Variants in SLIT2 observed in about 807,000 individuals in gnomAD.
SLIT2 encodes the protein slit guidance ligand 2.
SLIT2 carries 41 observed loss-of-function variants against 185.7 expected under a neutral mutation model. The ratio of observed to expected loss-of-function variants is 0.22; its 90% confidence interval spans 0.17 to 0.29. SLIT2 has a LOEUF of 0.29. Among genes scored for constraint, SLIT2 ranks in the 10% least tolerant of loss-of-function variants. The probability of loss-of-function intolerance (pLI) is 1.00; values close to 1 mark genes in which losing one functional copy is unlikely to be tolerated. For synonymous variants in SLIT2, 693 were observed against 680.2 expected (o/e 1.02, Z -0.29); for missense variants, 1,571 against 1,909.0 (o/e 0.82, Z 3.30).
At chr4:20,437,120 A>G (rs1181837815) in intron 4 of SLIT2, among the ~76,000 whole-genome samples, 2 of 152,190 alleles carry the variant, frequency 1.3e-5, no homozygotes, top group East Asian at 3.9e-4. Context: ...ATGACTCCCA[A>G]ATTTATCTTT....
At chr4:20,499,622 G>A (rs1181318638) in intron 9 of SLIT2, among the ~76,000 whole-genome samples, 4 of 152,038 alleles carry the variant, frequency 2.6e-5, no homozygotes. Context: ...CTGAGTAGCT[G>A]GGACTACAGG....
chr4:20,255,075 G>A (rs900855453), intron 1 of SLIT2: 9 of 455,990 alleles, frequency 2.0e-5, no homozygotes, highest in African/African-American at 1.2e-4. Context: ...GGCCGCCCTA[G>A]GCACGTTCCG....
intron 11 of SLIT2, among the ~76,000 whole-genome samples, chr4:20,512,207 CA>C (rs901343492): frequency 2.8e-4 from 43 of 152,116 alleles, no homozygotes; most frequent in East Asian, 1.2e-3. Flanking sequence ...TATCAGAGGT[CA>C]GGGGTAGCCA....
chr4:20,403,907 AC>A (rs927268137), intron 4 of SLIT2, among the ~76,000 whole-genome samples: 27 of 150,896 alleles, frequency 1.8e-4, no homozygotes, highest in Non-Finnish European at 2.4e-4. Context: ...TAAAAAAAAA[AC>A]AAAAACAAAA....
intron 33 of SLIT2, among the ~76,000 whole-genome samples, chr4:20,606,489 A>AT (rs1728806353): frequency 6.6e-6 from 1 of 151,900 alleles, no homozygotes; most frequent in South Asian, 2.1e-4. Flanking sequence ...CTCAAAAAAA[A>AT]AAAAGGAATC....
intron 14 of SLIT2, among the ~76,000 whole-genome samples, chr4:20,524,690 A>G (rs919407761): frequency 2.6e-5 from 4 of 152,296 alleles, no homozygotes; most frequent in Non-Finnish European, 5.9e-5. Flanking sequence ...TTTGCATACA[A>G]CCGTGAGGAT....
intron 29 of SLIT2, among the ~76,000 whole-genome samples, chr4:20,569,777 G>A (rs1003706063): frequency 1.3e-5 from 2 of 151,982 alleles, no homozygotes; most frequent in African/African-American, 4.8e-5. Flanking sequence ...AAAAAATGGA[G>A]AAGTAATTTT....
intron 4 of SLIT2, among the ~76,000 whole-genome samples, chr4:20,283,930 T>A (rs1201675305): frequency 2.0e-5 from 3 of 152,196 alleles, no homozygotes; most frequent in Non-Finnish European, 4.4e-5. Context: ...TTCTTCTCCT[T>A]TGGTTTCCAT....
Position 20,350,606 on chromosome 4 carries a change from A to G in SLIT2, c.395+81725A>G, listed in dbSNP as rs1044948235. On this transcript the variant is annotated intron_variant, in intron 4 of 36. Transcript: ENST00000504154. ...GATTGAAAATATTAAGTACATCATT[A>G]TTATGTAAATATTTAATTTTTGAAA... Among the ~76,000 whole-genome samples, 12 of 152,332 alleles carry G rather than the reference A, an allele frequency of 7.9e-5. No individual in the cohort carries two copies. In the South Asian group the frequency reaches 1.9e-3, roughly 24 times the overall value.
intron 33 of SLIT2, among the ~76,000 whole-genome samples, chr4:20,605,581 G>A (rs995710232): frequency 2.0e-5 from 3 of 152,112 alleles, no homozygotes; most frequent in African/African-American, 4.8e-5. Flanking sequence ...AACCCAAAAG[G>A]ATGCCATGCA....
rs1724583976 is a variant in SLIT2, at chr4:20,560,164, A to G, written c.2725+6196A>G. On this transcript the variant is annotated intron_variant, in intron 26 of 36. Transcript: ENST00000504154. Reference sequence around the variant, plus strand: ...AATGTATTTTTATTTTATTCATGAAAATTATGTAAGTACAAACTCTCAATA... The same window carrying G: ...AATGTATTTTTATTTTATTCATGAAGATTATGTAAGTACAAACTCTCAATA... Among the ~76,000 whole-genome samples the G allele has an allele frequency of 1.3e-5, 2 of 151,956 alleles. 1 individual carries two copies. The highest frequency in any genetic ancestry group is 4.8e-5 in the African/African-American group (2 of 41,338).
chr4:20,511,344 T>C (rs1381639205), intron 11 of SLIT2, among the ~76,000 whole-genome samples: 2 of 151,640 alleles, frequency 1.3e-5, no homozygotes, highest in African/African-American at 2.4e-5. Context: ...TTTTTAGGGG[T>C]GTATATTTTA....
chr4:20,255,058 C>A (rs1393118141), intron 1 of SLIT2: 1 of 456,290 alleles, frequency 2.2e-6, no homozygotes, highest in Non-Finnish European at 4.4e-6. Flanking sequence ...CCGCCCCGCG[C>A]CAGTCCGGCC....
chr4:20,618,853 C>T lies in SLIT2; in HGVS notation c.4434C>T (p.Ser1478=). 6.2e-7 allele frequency: 1 copy of T among 1,614,052 alleles called. No homozygotes were observed. The highest frequency in any genetic ancestry group is 1.3e-5 in the African/African-American group (1 of 75,008). ...YAACQTTKKV[S]RLECRGGCAG... ...CTTGCCAAACAACCAAGAAGGTGTC[C>T]CGATTAGAGTGCAGAGGTGGGTGTG... Residue 1478 remains serine (S), a synonymous_variant, in exon 37 of 37, where the codon TCC becomes TCT. Coordinates refer to ENST00000504154, the MANE Select transcript of SLIT2 (RefSeq NM_004787.4).
intron 3 of SLIT2, among the ~76,000 whole-genome samples, chr4:20,266,298 T>C (rs1713031565): frequency 6.6e-6 from 1 of 151,976 alleles, no homozygotes; most frequent in Non-Finnish European, 1.5e-5. Flanking sequence ...TACTCACTTA[T>C]ATCTCTGAAT....
chr4:20,478,886 A>G (rs1440283788), intron 5 of SLIT2, among the ~76,000 whole-genome samples: 1 of 152,200 alleles, frequency 6.6e-6, no homozygotes, highest in East Asian at 1.9e-4. Context: ...ATCTGTAAAA[A>G]TCAAAAGTGC....
At chr4:20,343,802 T>TAA (rs34514669) in intron 4 of SLIT2, among the ~76,000 whole-genome samples, 15,139 of 130,520 alleles carry the variant, frequency 0.12, 1,048 homozygotes, top group African/African-American at 0.15. Flanking sequence ...TCCTTAAAAC[T>TAA]AAAAAAAAAA....
At chr4:20,578,941 C>G (rs1726294307) in intron 29 of SLIT2, among the ~76,000 whole-genome samples, 1 of 152,048 alleles carries the variant, frequency 6.6e-6, no homozygotes, top group African/African-American at 2.4e-5. Flanking sequence ...GCTTTGAGGA[C>G]TAAATAAGCC....
rs761292327 is a variant in SLIT2 at position 20,618,982 on chromosome 4, G to C, written c.4563G>C (p.Lys1521Asn). ...SFVDEVEKVV[K>N]CGCTRCVS ...TGGACGAGGTTGAGAAAGTGGTGAA[G>C]TGCGGCTGTACGAGGTGTGTGTCCT... Residue 1521 changes from lysine to asparagine, a missense_variant, in exon 37 of 37, where the codon AAG becomes AAC. Around this residue, in one of 3 missense-constraint regions of SLIT2, gnomAD observed 223 missense variants for 245.2 expected, o/e 0.91. Coordinates refer to ENST00000504154, the MANE Select transcript of SLIT2 (RefSeq NM_004787.4). The C allele has an allele frequency of 5.0e-6, 8 of 1,613,974 alleles. No homozygotes were observed. Among genetic ancestry groups the C allele is most frequent in the African/African-American group, 1.3e-5 (1 of 74,940 alleles).
Sources: allele counts gnomAD v4.1 joint callset (sites outside exome capture counted in the v4.1 genomes callset), GRCh38; gene constraint gnomAD v4.1.1; regional missense constraint gnomAD v4.1.1; transcripts MANE v1.5; gene names NCBI Gene and HGNC (gene_info 2026-07-23, HGNC 2026-07-21).